IL5RA: variants seen among roughly 807,000 people sequenced by gnomAD.
IL5RA encodes interleukin 5 receptor subunit alpha.
IL5RA carries 49 observed loss-of-function variants against 50.0 expected under a neutral mutation model. The ratio of observed to expected loss-of-function variants is 0.98; its 90% CI spans 0.78 to 1.24. IL5RA has a LOEUF of 1.24. IL5RA is among the 50% of genes most tolerant of loss of function. IL5RA has a pLI of 0.00. For missense variants in IL5RA, 600 were observed against 500.4 expected, an observed-to-expected ratio of 1.20 and a Z score of -1.90; for synonymous variants, 202 against 174.0, an observed-to-expected ratio of 1.16 and a Z score of -1.26.
chr3:3,084,360 C>T (rs758990686), intron 9 of IL5RA, among the ~76,000 whole-genome samples: 4 of 152,112 alleles, frequency 2.6e-5, no homozygotes, highest in Non-Finnish European at 4.4e-5. Flanking sequence ...GAGAGATAAA[C>T]TCAGGCCAGG....
chr3:3,068,966 TAAG>T lies in IL5RA; in HGVS notation c.*1256_*1258del. On this transcript the variant is annotated 3_prime_UTR_variant, in exon 12 of 12. Coordinates refer to ENST00000446632, the MANE Select transcript of IL5RA (RefSeq NM_175726.4). ...TTACAGTGGATAATTACAGGTTAGTTAAGAAAACAAACAAACCTGGAAATATAT... is the reference window on the plus strand; with the variant it reads ...TTACAGTGGATAATTACAGGTTAGTTAAAACAAACAAACCTGGAAATATAT... 6.6e-6 allele frequency: 1 copy of T among 152,340 alleles called. No individual in the cohort carries two copies. The highest frequency in any genetic ancestry group is 6.5e-5 in the Admixed American group (1 of 15,296). 9.4% of individuals were successfully genotyped at this position (152,340 alleles called of 1,614,324 possible).
In IL5RA at chr3:3,068,553, A is replaced by T. The variant is rs6768065; in HGVS notation, c.*1672T>A. On this transcript the variant is annotated 3_prime_UTR_variant, in exon 12 of 12. Transcript: ENST00000446632. ...TCACATCACTACACTCTAGCCTGGGAGACAGAACAAGACTGTCTCCACCAC... is the reference window on the plus strand; with the variant it reads ...TCACATCACTACACTCTAGCCTGGGTGACAGAACAAGACTGTCTCCACCAC... 65,299 of 144,012 alleles carry T rather than the reference A, an allele frequency of 0.45. 15,213 individuals are homozygous for T. Among genetic ancestry groups the T allele is most frequent in the African/African-American group, 0.48 (18,169 of 37,874 alleles). The allele number at this position is 144,012 out of a possible 1,614,324, so 8.9% of individuals were successfully genotyped here.
intron 3 of IL5RA, among the ~76,000 whole-genome samples, chr3:3,104,556 A>G (rs1356877307): frequency 6.6e-6 from 1 of 151,772 alleles, no homozygotes; most frequent in African/African-American, 2.4e-5. Flanking sequence ...TTTCAGGACA[A>G]AATGCAGTGG....
rs1703170204 is a variant in IL5RA at position 3,092,462 on chromosome 3, G to C, written c.856-100C>G. 3.7e-6 allele frequency: 4 copies of C among 1,068,134 alleles called. No individual in the cohort carries two copies. Among genetic ancestry groups the C allele is most frequent in the Non-Finnish European group, 4.1e-6 (3 of 724,486 alleles). 66.2% of individuals were successfully genotyped at this position (1,068,134 alleles called of 1,614,324 possible). A position where few individuals can be genotyped will look rare whatever the true frequency, so the allele number is the denominator to read the frequency against. ...TCCTATATAGGTCATGTGACTCACT[G>C]TTCAGCAAGTCCTTTAAAATCAACA... On this transcript the variant is annotated intron_variant, in intron 8 of 11. Transcript: ENST00000446632. This position sits in a 1 kb window ranked among gnomAD's most constrained non-coding sequence, Gnocchi z 4.2.
At chr3:3,090,627 T>C (rs17885691) in intron 9 of IL5RA, among the ~76,000 whole-genome samples, 11,558 of 145,010 alleles carry the variant, frequency 0.08, 570 homozygotes, top group Admixed American at 0.13. Context: ...AGTGCAGTGG[T>C]GCGATCTCGG....
intron 2 of IL5RA, among the ~76,000 whole-genome samples, chr3:3,106,142 C>A (rs1703912935): frequency 6.6e-6 from 1 of 152,146 alleles, no homozygotes; most frequent in Non-Finnish European, 1.5e-5. Context: ...AGTAATGGAG[C>A]CTAGACCCAA....
At chr3:3,086,520 A>G (rs1694647097) in intron 9 of IL5RA, among the ~76,000 whole-genome samples, 2 of 152,078 alleles carry the variant, frequency 1.3e-5, no homozygotes, top group Non-Finnish European at 2.9e-5. Context: ...GGTGATAACG[A>G]GTACTGATAA....
At chr3:3,098,364 T>C (rs1373043322) in intron 5 of IL5RA, 74 bp from the exon 6 acceptor site, 10 of 1,349,948 alleles carry the variant, frequency 7.4e-6, no homozygotes, top group Non-Finnish European at 1.1e-5. Context: ...TTTGGAACTA[T>C]AGTGATGTGA....
chr3:3,077,508 C>A (rs1206687542), intron 9 of IL5RA, among the ~76,000 whole-genome samples: 1 of 152,184 alleles, frequency 6.6e-6, no homozygotes, highest in African/African-American at 2.4e-5. Flanking sequence ...TGGCTCACGC[C>A]TGTAAATCCA....
rs534220784 is a variant in IL5RA, at chr3:3,106,229, A to C, written c.-3-1242T>G. ...ATTACAATGATTTATAATTTCATTTAAAACATTTATTTAAGTGGCTTGGTA... is the reference window on the plus strand; with the variant it reads ...ATTACAATGATTTATAATTTCATTTCAAACATTTATTTAAGTGGCTTGGTA... On this transcript the variant is annotated intron_variant, in intron 2 of 11. Coordinates refer to ENST00000446632, the MANE Select transcript of IL5RA (RefSeq NM_175726.4). 4.6e-5 allele frequency among the ~76,000 whole-genome samples: 7 copies of C among 152,354 alleles called. No homozygotes were observed. The South Asian group carries it at 1.4e-3, about 32-fold the overall frequency.
intron 3 of IL5RA, among the ~76,000 whole-genome samples, chr3:3,104,666 C>A (rs562333652): frequency 6.6e-6 from 1 of 152,136 alleles, no homozygotes; most frequent in Admixed American, 6.5e-5. Flanking sequence ...CCATGGTGCC[C>A]GGACACCCAC....
At position 3,092,041 on chromosome 3, in the gene IL5RA, A is replaced by G; in HGVS notation, c.994+183T>C. On this transcript the variant is annotated intron_variant, in intron 9 of 11. Transcript: ENST00000446632. The surrounding 1 kb of genome is among the most constrained non-coding windows in gnomAD (Gnocchi z 4.2). ...CGCTAATGAGAAGCCTAGACACTTA[A>G]AAACTTCACTGGCTTCATGGCAAAT... 1.5e-6 allele frequency: 2 copies of G among 1,368,438 alleles called. No individual in the cohort carries two copies. Among genetic ancestry groups the G allele is most frequent in the Admixed American group, 3.4e-5 (1 of 29,724 alleles). The allele number at this position is 1,368,438 out of a possible 1,614,324, so 84.8% of individuals were successfully genotyped here. A position where few individuals can be genotyped will look rare whatever the true frequency, so the allele number is the denominator to read the frequency against.
At chr3:3,103,100 C>A in intron 3 of IL5RA, 1 of 208,932 alleles carries the variant, frequency 4.8e-6, no homozygotes. Flanking sequence ...CTAGGCTGGT[C>A]TTGAACTCCT....
At chr3:3,086,265 G>A (rs866357229) in intron 9 of IL5RA, among the ~76,000 whole-genome samples, 36 of 152,204 alleles carry the variant, frequency 2.4e-4, no homozygotes, top group Middle Eastern at 3.4e-3. Flanking sequence ...ATCATTCCTC[G>A]TTTCACACTT....
At chr3:3,074,927 CT>C in intron 10 of IL5RA, 61 bp from the exon 11 acceptor site, 1 of 1,029,032 alleles carries the variant, frequency 9.7e-7, no homozygotes, top group Non-Finnish European at 1.5e-6. Context: ...CTCTAAATAT[CT>C]ACTCTAAAAA....
chr3:3,084,461 T>C (rs752115478), intron 9 of IL5RA, among the ~76,000 whole-genome samples: 3 of 152,218 alleles, frequency 2.0e-5, no homozygotes, highest in Non-Finnish European at 2.9e-5. Context: ...GTTCAAAATG[T>C]TCATTAAGAT....
chr3:3,080,358 G>GA (rs1702622334), intron 9 of IL5RA, among the ~76,000 whole-genome samples: 1 of 152,200 alleles, frequency 6.6e-6, no homozygotes, highest in Admixed American at 6.5e-5. Flanking sequence ...AGGAAGTGCG[G>GA]AAGCCCAACC....
At chr3:3,077,958 A>C (rs542606149) in intron 9 of IL5RA, among the ~76,000 whole-genome samples, 1 of 152,198 alleles carries the variant, frequency 6.6e-6, no homozygotes, top group South Asian at 2.1e-4. Context: ...CCATTTAACT[A>C]ATATTTACTG....
chr3:3,079,132 T>A (rs979451530), intron 9 of IL5RA, among the ~76,000 whole-genome samples: 5 of 152,204 alleles, frequency 3.3e-5, no homozygotes, highest in Non-Finnish European at 5.9e-5. Context: ...TATTTTCCAC[T>A]GTGGCCTATT....
Sources: allele counts gnomAD v4.1 joint callset (sites outside exome capture counted in the v4.1 genomes callset), GRCh38; gene constraint gnomAD v4.1.1; non-coding constraint Gnocchi (gnomAD v3.1); transcripts MANE v1.5; gene names NCBI Gene and HGNC (gene_info 2026-07-23, HGNC 2026-07-21).